PPIL2: variants seen among roughly 807,000 people sequenced by gnomAD.
PPIL2 encodes the protein RING-type E3 ubiquitin-protein ligase PPIL2.
Under a neutral mutation model 75.2 loss-of-function variants are expected in PPIL2, and 50 were observed. The ratio of observed to expected loss-of-function variants is 0.66; its 90% CI spans 0.53 to 0.84. The LOEUF is 0.84. Ranked by LOEUF, PPIL2 falls within the 40% of genes least tolerant of loss-of-function variation. PPIL2 has a pLI of 0.00. For synonymous variants in PPIL2, 245 were observed against 258.8 expected (o/e 0.95, Z 0.51); for missense variants, 590 against 685.0 (o/e 0.86, Z 1.55).
intron 6 of PPIL2, among the ~76,000 whole-genome samples, chr22:21,676,851 C>G (rs937978152): frequency 7.9e-5 from 12 of 152,248 alleles, no homozygotes; most frequent in Non-Finnish European, 1.6e-4. Context: ...TCATCATGGC[C>G]TGTTCTCAAT....
Position 21,679,084 on chromosome 22 carries a change from C to T in PPIL2, c.296-2215C>T, listed in dbSNP as rs1025670676. Among the ~76,000 whole-genome samples, 17 of 151,834 alleles carry T rather than the reference C, an allele frequency of 1.1e-4. 1 individual carries two copies. Among genetic ancestry groups the T allele is most frequent in the South Asian group, 2.1e-4 (1 of 4,810 alleles). ...GCTAATTTTGTATTTTTAGTAGAGA[C>T]GGGGTTTCTCCATGTTGGTCAGGCT... On this transcript the variant is annotated intron_variant, in intron 6 of 19. Coordinates refer to ENST00000398831, the MANE Select transcript of PPIL2 (RefSeq NM_014337.4).
chr22:21,687,811 C>T (rs2067438569), intron 13 of PPIL2, 79 bp downstream of exon 13: 3 of 1,407,702 alleles, frequency 2.1e-6, no homozygotes, highest in South Asian at 2.4e-5. Context: ...CCTGCCCCAT[C>T]CCAGGGCCCT....
chr22:21,692,269 C>G (rs533022949), intron 15 of PPIL2, among the ~76,000 whole-genome samples: 1 of 152,032 alleles, frequency 6.6e-6, no homozygotes, highest in South Asian at 2.1e-4. Context: ...CATTCTCCTG[C>G]CTCAGCCTCC....
At position 21,688,692 on chromosome 22, in the gene PPIL2, G is replaced by A. The variant is rs765274313; in HGVS notation, c.1022-40G>A. On this transcript the variant is annotated intron_variant, in intron 14 of 19. Coordinates refer to ENST00000398831, the MANE Select transcript of PPIL2 (RefSeq NM_014337.4). ...AGGTTTCTAGTTCTGCCTCGGCTGGGGCCCAGGCTTTCCTGCTCCCATGGG... is the reference window on the plus strand; with the variant it reads ...AGGTTTCTAGTTCTGCCTCGGCTGGAGCCCAGGCTTTCCTGCTCCCATGGG... The A allele has an allele frequency of 5.0e-6, 8 of 1,588,942 alleles. No individual in the cohort carries two copies. The South Asian group carries it at 5.5e-5, about 11-fold the overall frequency.
chr22:21,685,842 G>A, intron 10 of PPIL2: 1 of 353,062 alleles, frequency 2.8e-6, no homozygotes, highest in South Asian at 2.2e-5. Flanking sequence ...GATTAAATAT[G>A]TAATGTGTTT....
chr22:21,668,857 G>A (rs547693099), intron 1 of PPIL2, among the ~76,000 whole-genome samples: 8 of 150,648 alleles, frequency 5.3e-5, no homozygotes, highest in South Asian at 2.1e-4. Context: ...GACTACAGGC[G>A]CCTGCCACCA....
At chr22:21,676,653 A>T (rs1601527971) in intron 6 of PPIL2, among the ~76,000 whole-genome samples, 1 of 152,100 alleles carries the variant, frequency 6.6e-6, no homozygotes, top group Non-Finnish European at 1.5e-5. Context: ...AACACCGCAC[A>T]TGTTTCAGAG....
In PPIL2 at chr22:21,696,814, A is replaced by G. The variant is rs1427933826; in HGVS notation, c.*1324A>G. The stretch of plus-strand genomic sequence containing the variant: ...CACTGATGCTGAAGCTGCAGGCCTG[A>G]GCCCTTTGTCTCCCTGGATGCTGGG... On this transcript the variant is annotated 3_prime_UTR_variant, in exon 20 of 20. Coordinates refer to ENST00000398831, the MANE Select transcript of PPIL2 (RefSeq NM_014337.4). 3.2e-6 allele frequency: 5 copies of G among 1,554,814 alleles called. No individual in the cohort carries two copies. In the South Asian group the frequency reaches 4.8e-5, roughly 15 times the overall value.
At chr22:21,678,628 C>T (rs1450160666) in intron 6 of PPIL2, among the ~76,000 whole-genome samples, 1 of 152,342 alleles carries the variant, frequency 6.6e-6, no homozygotes, top group Admixed American at 6.5e-5. Flanking sequence ...CCCCTGCTGT[C>T]TCCCATCTGT....
At chr22:21,675,982 T>G (rs416661) in intron 6 of PPIL2, among the ~76,000 whole-genome samples, 1 of 152,242 alleles carries the variant, frequency 6.6e-6, no homozygotes, top group Non-Finnish European at 1.5e-5. Flanking sequence ...TAGGTTCTAG[T>G]CCAGGTCTTT....
intron 6 of PPIL2, among the ~76,000 whole-genome samples, chr22:21,676,166 C>T (rs141500266): frequency 2.6e-5 from 4 of 152,120 alleles, no homozygotes; most frequent in Admixed American, 1.3e-4. Flanking sequence ...AACCTCAGCA[C>T]GTCATTGACG....
In PPIL2 at chr22:21,670,470, A is replaced by G. The variant is rs570740445; in HGVS notation, c.83-96A>G. 3.3e-6 allele frequency: 5 copies of G among 1,497,608 alleles called. No individual in the cohort carries two copies. In the East Asian group the frequency reaches 9.1e-5, roughly 27 times the overall value. 92.8% of individuals were successfully genotyped at this position (1,497,608 alleles called of 1,614,324 possible). A position where few individuals can be genotyped will look rare whatever the true frequency, so the allele number is the denominator to read the frequency against. On this transcript the variant is annotated intron_variant, in intron 2 of 19. Coordinates refer to ENST00000398831, the MANE Select transcript of PPIL2 (RefSeq NM_014337.4). Reference sequence around the variant, plus strand: ...TTGCTGTACTTAAAAATTTGCATGAACTTTTTCATAAGCTGTAACTGAATT... The same window carrying G: ...TTGCTGTACTTAAAAATTTGCATGAGCTTTTTCATAAGCTGTAACTGAATT...
At chr22:21,689,416 C>T (rs1482263499) in intron 15 of PPIL2, among the ~76,000 whole-genome samples, 1 of 152,200 alleles carries the variant, frequency 6.6e-6, no homozygotes, top group Admixed American at 6.5e-5. Flanking sequence ...TCACATGGGT[C>T]CTGTGACTTC....
downstream of PPIL2, chr22:21,698,335 G>C (rs1320104794): frequency 1.3e-5 from 2 of 149,840 alleles, no homozygotes; most frequent in Non-Finnish European, 3.0e-5. Context: ...ACAAAAGACA[G>C]TACAAAAACC....
downstream of PPIL2, chr22:21,698,127 T>C (rs2068009380): frequency 2.0e-5 from 3 of 151,692 alleles, no homozygotes; most frequent in South Asian, 6.3e-4. Context: ...TTTAAGAGGG[T>C]GGTGGATATG....
At chr22:21,686,329 C>T (rs1375640971) in intron 10 of PPIL2, among the ~76,000 whole-genome samples, 154 bp from the exon 11 acceptor site, 1 of 152,186 alleles carries the variant, frequency 6.6e-6, no homozygotes, top group East Asian at 1.9e-4. Flanking sequence ...TGGCTTCTTC[C>T]TCCTGCTGGT....
intron 6 of PPIL2, among the ~76,000 whole-genome samples, chr22:21,679,425 C>T (rs115772465): frequency 6.6e-6 from 1 of 151,194 alleles, no homozygotes; most frequent in Non-Finnish European, 1.5e-5. Flanking sequence ...CATAATGAAA[C>T]CTTGTCTCTA....
At chr22:21,683,756 C>T (rs2067228345) in intron 9 of PPIL2, among the ~76,000 whole-genome samples, 1 of 152,248 alleles carries the variant, frequency 6.6e-6, no homozygotes, top group Non-Finnish European at 1.5e-5. Context: ...TCTGTGCTCT[C>T]TGCACAGGGA....
intron 1 of PPIL2, among the ~76,000 whole-genome samples, chr22:21,668,228 A>C (rs2066470933): frequency 6.6e-6 from 1 of 152,010 alleles, no homozygotes; most frequent in Non-Finnish European, 1.5e-5. Context: ...AAACCTTAAA[A>C]CTGAGTTCCT....
Sources: allele counts gnomAD v4.1 joint callset (sites outside exome capture counted in the v4.1 genomes callset), GRCh38; gene constraint gnomAD v4.1.1; transcripts MANE v1.5; gene names NCBI Gene and HGNC (gene_info 2026-07-23, HGNC 2026-07-21).